Variants in CEP170B observed in about 807,000 individuals in gnomAD.
CEP170B encodes centrosomal protein 170B, also known as centrosomal protein of 170 kDa protein B.
A neutral mutation model predicts 120.6 loss-of-function variants in CEP170B; 55 were observed. The observed-to-expected ratio is 0.46, with a 90% confidence interval of 0.37 to 0.57. CEP170B has a LOEUF of 0.57. CEP170B is among the 20% of genes least tolerant of loss of function. CEP170B has a pLI of 0.00. For synonymous variants in CEP170B, 1,033 were observed against 954.5 expected (o/e 1.08, Z -1.52); for missense variants, 2,212 against 2,253.3 (o/e 0.98, Z 0.37).
chr14:104,886,052 C>G lies in CEP170B; in HGVS notation c.1957C>G (p.Pro653Ala). Residue 653 changes from proline to alanine, a missense_variant, in exon 11 of 19, where the codon CCG becomes GCG. By Grantham distance (27) the Pro-to-Ala change is conservative. Coordinates refer to ENST00000414716, the MANE Select transcript of CEP170B (RefSeq NM_001112726.3). The stretch of plus-strand genomic sequence containing the variant: ...CTCCTCTCCACAGGGCCTCCCGGTG[C>G]CGGGCTCCCCTGGGGGTCAGAAGTG... ...PQAEHQGLPV[P>A]GSPGGQKWVS... 6.5e-7 allele frequency: 1 copy of G among 1,540,846 alleles called. No individual in the cohort carries two copies. Among genetic ancestry groups the G allele is most frequent in the Non-Finnish European group, 8.8e-7 (1 of 1,142,330 alleles).
At position 104,896,336 on chromosome 14, in the gene CEP170B, C is replaced by T. The variant is rs897280928; in HGVS notation, c.*1378C>T. The T allele has an allele frequency of 1.8e-5, 6 of 338,232 alleles. No individual in the cohort carries two copies. The highest frequency in any genetic ancestry group is 7.8e-5 in the East Asian group (1 of 12,850). 21.0% of individuals were successfully genotyped at this position (338,232 alleles called of 1,614,324 possible). On this transcript the variant is annotated 3_prime_UTR_variant, in exon 19 of 19. Coordinates refer to ENST00000414716, the MANE Select transcript of CEP170B (RefSeq NM_001112726.3). ...GTTTACGTGTGTGTGTGAGGGGGGGCGGGGGTGGCAGGTGTCCCCCCCTGG... is the reference window on the plus strand; with the variant it reads ...GTTTACGTGTGTGTGTGAGGGGGGGTGGGGGTGGCAGGTGTCCCCCCCTGG...
intron 5 of CEP170B, 71 bp downstream of exon 5, chr14:104,878,572 G>T: frequency 6.6e-7 from 1 of 1,514,722 alleles, no homozygotes; most frequent in Non-Finnish European, 9.1e-7. Flanking sequence ...CCATGCTCCC[G>T]CTGCCATCTC....
Position 104,886,894 on chromosome 14 carries a change from C to T in CEP170B, c.2655C>T (p.His885=), listed in dbSNP as rs1896549778. The part of the protein sequence containing the change: ...SGPPAPGKPP[H]ISSHPLLQDL... ...CCCCAGCGCCCGGCAAGCCCCCCCA[C>T]ATCTCCAGCCACCCGCTTCTACAGG... The change falls in exon 12 of 19, where the codon CAC becomes CAT. Residue 885 remains histidine, a synonymous_variant. Transcript: ENST00000414716. The T allele has an allele frequency of 2.5e-6, 4 of 1,610,464 alleles. No homozygotes were observed. The highest frequency in any genetic ancestry group is 1.7e-5 in the Admixed American group (1 of 60,020).
chr14:104,892,967 C>G lies in CEP170B; in HGVS notation c.3879-9C>G. On this transcript the variant is annotated splice_polypyrimidine_tract_variant and intron_variant, in intron 13 of 18. Coordinates refer to ENST00000414716, the MANE Select transcript of CEP170B (RefSeq NM_001112726.3). The stretch of plus-strand genomic sequence containing the variant: ...GTGCAGAACCTGCCGTCTTTCCTGC[C>G]GGCTGCAGGCTGAGCCAGACGCTGG... 1 of 1,557,204 alleles carries G rather than the reference C, an allele frequency of 6.4e-7. No homozygotes were observed. Among genetic ancestry groups the G allele is most frequent in the Non-Finnish European group, 8.7e-7 (1 of 1,151,146 alleles).
chr14:104,890,722 T>C (rs1595358482), intron 13 of CEP170B, among the ~76,000 whole-genome samples: 1 of 75,166 alleles, frequency 1.3e-5, no homozygotes, highest in Non-Finnish European at 2.9e-5. Context: ...GGATGAGTGG[T>C]GGGTGGATGG....
In CEP170B at chr14:104,887,941, C is replaced by T. The variant is rs1320465792; in HGVS notation, c.3702C>T (p.Phe1234=). 6.5e-7 allele frequency: 1 copy of T among 1,539,198 alleles called. No individual in the cohort carries two copies. The highest frequency in any genetic ancestry group is 2.4e-5 in the East Asian group (1 of 41,858). ...CCACCACGGGTCCCCGCCAGCCCTT[C>T]AGCAGGGCCCGCTCAGGCAGTGCCC... ...TATTTGPRQP[F]SRARSGSARY... The change falls in exon 12 of 19, where the codon TTC becomes TTT. Residue 1234 remains phenylalanine, a synonymous_variant. Transcript: ENST00000414716.
rs572866632 is a variant in CEP170B, at chr14:104,893,640, A to C, written c.4156A>C (p.Lys1386Gln). 1.3e-6 allele frequency: 2 copies of C among 1,593,648 alleles called. No homozygotes were observed. Among genetic ancestry groups the C allele is most frequent in the South Asian group, 2.3e-5 (2 of 87,928 alleles). ...CAGCTGTGAGGACGCCCTGGCCAAC[A>C]AGACGCGGCCTCGGAACCGAGAGGA... ...NDSCEDALAN[K>Q]TRPRNREEVI... is the part of the protein sequence containing the mutation. Residue 1386 changes from lysine (K) to glutamine (Q), a missense_variant, in exon 15 of 19, where the codon AAG becomes CAG. Around this residue, in one of 2 missense-constraint regions of CEP170B, gnomAD observed 2,166 missense variants for 2,166.7 expected, o/e 1.00. Coordinates refer to ENST00000414716, the MANE Select transcript of CEP170B (RefSeq NM_001112726.3).
intron 12 of CEP170B, 72 bp from the exon 13 acceptor site, chr14:104,889,548 C>T (rs772190845): frequency 3.8e-6 from 6 of 1,599,044 alleles, no homozygotes; most frequent in South Asian, 1.1e-5. Flanking sequence ...TCGGATTACA[C>T]GTCCACCTCT....
At chr14:104,872,375 TGG>T in intron 2 of CEP170B, among the ~76,000 whole-genome samples, 1 of 65,952 alleles carries the variant, frequency 1.5e-5, no homozygotes, top group Admixed American at 1.9e-4. Flanking sequence ...GTGTGTGCCA[TGG>T]GTGTGCATGT....
chr14:104,886,842 G>T lies in CEP170B; in HGVS notation c.2603G>T (p.Ser868Ile). ...GCCCCAGCCTTTCTCCGGCAAGAGA[G>T]CTTCACTAAGGAGCCAGCCAGTGGT... ...GPAPAFLRQE[S>I]FTKEPASGPP... Residue 868 changes from serine to isoleucine, a missense_variant, in exon 12 of 19, where the codon AGC (serine) becomes ATC (isoleucine). Around this residue, in one of 2 missense-constraint regions of CEP170B, gnomAD observed 2,166 missense variants for 2,166.7 expected, o/e 1.00. Transcript: ENST00000414716. 1 of 1,610,988 alleles carries T rather than the reference G, an allele frequency of 6.2e-7. No individual in the cohort carries two copies. The highest frequency in any genetic ancestry group is 1.3e-5 in the African/African-American group (1 of 75,052).
At chr14:104,875,891 G>C (rs966587004) in intron 2 of CEP170B, among the ~76,000 whole-genome samples, 1 of 152,198 alleles carries the variant, frequency 6.6e-6, no homozygotes, top group African/African-American at 2.4e-5. Context: ...GGCCAGGAGT[G>C]GGGGAGGGCT....
intron 4 of CEP170B, 99 bp from the exon 5 acceptor site, chr14:104,878,344 C>T: frequency 2.4e-6 from 3 of 1,256,278 alleles, no homozygotes; most frequent in Non-Finnish European, 1.2e-6. Context: ...CTCTGCCTGC[C>T]TCGATGGGCC....
chr14:104,886,004 T>C (rs1382084916), intron 10 of CEP170B, 36 bp from the exon 11 acceptor site: 1 of 1,499,862 alleles, frequency 6.7e-7, no homozygotes, highest in East Asian at 2.5e-5. Context: ...GCCGTTGGGC[T>C]TGCGTGTGGA....
At chr14:104,889,558 TGAG>T in intron 12 of CEP170B, 59 bp from the exon 13 acceptor site, 3 of 1,600,834 alleles carry the variant, frequency 1.9e-6, no homozygotes, top group Non-Finnish European at 2.5e-6. Flanking sequence ...CGTCCACCTC[TGAG>T]GAGGAGTACG....
At chr14:104,879,091 G>A (rs966452870) in intron 5 of CEP170B, among the ~76,000 whole-genome samples, 11 of 152,194 alleles carry the variant, frequency 7.2e-5, no homozygotes, top group African/African-American at 2.4e-4. Flanking sequence ...AGTAGCTTTG[G>A]GGTCTCATAA....
At position 104,886,833 on chromosome 14, in the gene CEP170B, G is replaced by A. The variant is rs372398127; in HGVS notation, c.2594G>A (p.Arg865Gln). Reference sequence around the variant, plus strand: ...GACGGCCCTGCCCCAGCCTTTCTCCGGCAAGAGAGCTTCACTAAGGAGCCA... The same window carrying A: ...GACGGCCCTGCCCCAGCCTTTCTCCAGCAAGAGAGCTTCACTAAGGAGCCA... ...EPDGPAPAFL[R>Q]QESFTKEPAS... The change falls in exon 12 of 19, where the codon CGG (arginine) becomes CAG (glutamine). Residue 865 changes from arginine (R) to glutamine (Q), a missense_variant. Physicochemically the swap from Arg to Gln is conservative, Grantham distance 43. This residue lies in a region of CEP170B where 2,166 missense variants were observed against 2,166.7 expected (regional missense o/e 1.00). Transcript: ENST00000414716. The A allele has an allele frequency of 5.2e-5, 84 of 1,611,064 alleles. No homozygotes were observed. In the African/African-American group the frequency reaches 8.3e-4, roughly 16 times the overall value.
At chr14:104,882,654 T>A (rs1286741864) in intron 6 of CEP170B, 74 bp from the exon 7 acceptor site, 11 of 1,256,144 alleles carry the variant, frequency 8.8e-6, no homozygotes, top group Non-Finnish European at 1.2e-5. Context: ...CAGCCTCTCC[T>A]GGGCTGCCAG....
chr14:104,886,638 G>A lies in CEP170B; in HGVS notation c.2399G>A (p.Gly800Glu), dbSNP rs556683416. Residue 800 changes from glycine (G) to glutamate (E), a missense_variant, in exon 12 of 19, where the codon GGG (glycine) becomes GAG (glutamate). By Grantham distance (98) the Gly-to-Glu change is moderately conservative. This residue lies in a region of CEP170B where 2,166 missense variants were observed against 2,166.7 expected (regional missense o/e 1.00). Coordinates refer to ENST00000414716, the MANE Select transcript of CEP170B (RefSeq NM_001112726.3). The stretch of plus-strand genomic sequence containing the variant: ...CCAACTCCCGCCTCTTTCTTCATTG[G>A]GGACCAGAATGGGGACGCTGTGTTA... ...GEPTPASFFI[G>E]DQNGDAVLSR... The A allele has an allele frequency of 6.6e-7, 1 of 1,524,798 alleles. No individual in the cohort carries two copies. The highest frequency in any genetic ancestry group is 2.3e-5 in the East Asian group (1 of 44,176). The allele number at this position is 1,524,798 out of a possible 1,614,324, so 94.5% of individuals were successfully genotyped here. A position where few individuals can be genotyped will look rare whatever the true frequency, so the allele number is the denominator to read the frequency against.
rs1194840601 is a variant in CEP170B, at chr14:104,883,085, G to A, written c.628G>A (p.Ala210Thr). Residue 210 changes from alanine to threonine, a missense_variant, in exon 8 of 19, where the codon GCC becomes ACC. Ala to Thr is a moderately conservative substitution (Grantham distance 58). Coordinates refer to ENST00000414716, the MANE Select transcript of CEP170B (RefSeq NM_001112726.3). ...GGACGGGGAGCTCCACGGCTTCCGC[G>A]CCCCTGCTGAGCCTCAGGGCTGCTC... ...QQDGELHGFR[A>T]PAEPQGCSFR... 21 of 1,568,768 alleles carry A rather than the reference G, an allele frequency of 1.3e-5. 1 individual carries two copies. The highest frequency in any genetic ancestry group is 9.5e-5 in the African/African-American group (7 of 73,946).
Sources: allele counts gnomAD v4.1 joint callset (sites outside exome capture counted in the v4.1 genomes callset), GRCh38; gene constraint gnomAD v4.1.1; regional missense constraint gnomAD v4.1.1; transcripts MANE v1.5; gene names NCBI Gene and HGNC (gene_info 2026-07-23, HGNC 2026-07-21).